ULK4: variants seen among roughly 807,000 people sequenced by gnomAD.
The protein encoded by ULK4 is unc-51 like kinase 4.
ULK4 carries 133 observed loss-of-function variants against 160.6 expected under a neutral mutation model. The ratio of observed to expected loss-of-function variants is 0.83; its 90% CI spans 0.72 to 0.96. The LOEUF is 0.96. ULK4 is among the 40% of genes least tolerant of loss of function. The pLI, the probability that ULK4 is intolerant of heterozygous loss-of-function variation, is 0.00. For synonymous variants in ULK4, 534 were observed against 539.8 expected, an observed-to-expected ratio of 0.99 and a Z score of 0.15; for missense variants, 1,580 against 1,499.5, an observed-to-expected ratio of 1.05 and a Z score of -0.89.
intron 22 of ULK4, among the ~76,000 whole-genome samples, chr3:41,734,798 T>C (rs984210939): frequency 6.6e-6 from 1 of 152,132 alleles, no homozygotes; most frequent in Admixed American, 6.5e-5. Flanking sequence ...AAACAGGAAA[T>C]TGTACCATTC....
chr3:41,527,200 T>A (rs760536420), intron 32 of ULK4, among the ~76,000 whole-genome samples: 13 of 152,222 alleles, frequency 8.5e-5, no homozygotes, highest in Non-Finnish European at 1.6e-4. Flanking sequence ...ACACAGGACA[T>A]GCTCTACAGC....
rs541195893 is a variant in ULK4 at position 41,493,741 on chromosome 3, G to C, written c.3227-30488C>G. 1.7e-4 allele frequency among the ~76,000 whole-genome samples: 25 copies of C among 150,592 alleles called. No individual in the cohort carries two copies. The East Asian group carries it at 4.5e-3, about 27-fold the overall frequency. ...AATAGATGCAATAAAAAATGATAAA[G>C]GGGATATCACCACCGATCCCACAGA... On this transcript the variant is annotated intron_variant, in intron 32 of 36. Coordinates refer to ENST00000301831, the MANE Select transcript of ULK4 (RefSeq NM_017886.4).
At chr3:41,372,835 C>T (rs1008944714) in intron 35 of ULK4, among the ~76,000 whole-genome samples, 1 of 152,146 alleles carries the variant, frequency 6.6e-6, no homozygotes, top group Non-Finnish European at 1.5e-5. Context: ...AATTAAAAGG[C>T]ACAGACTGGC....
intron 25 of ULK4, among the ~76,000 whole-genome samples, chr3:41,714,133 T>C (rs1487566152): frequency 1.5e-4 from 23 of 152,156 alleles, no homozygotes; most frequent in Admixed American, 1.5e-3. Context: ...TGGTGGTAAA[T>C]AAAAATTCTC....
intron 29 of ULK4, among the ~76,000 whole-genome samples, chr3:41,675,670 A>AC (rs1385531152): frequency 6.6e-6 from 1 of 152,198 alleles, no homozygotes; most frequent in African/African-American, 2.4e-5. Context: ...GTGATGGTAT[A>AC]CCCATAAGGG....
At chr3:41,958,343 T>C (rs1258317495) in intron 1 of ULK4, among the ~76,000 whole-genome samples, 3 of 152,172 alleles carry the variant, frequency 2.0e-5, no homozygotes, top group South Asian at 2.1e-4. Context: ...AGGGTTAAGA[T>C]GGTAAATTTT....
chr3:41,678,177 TACACACACACACACACACAC>T (rs752843326), intron 29 of ULK4, among the ~76,000 whole-genome samples: 263 of 123,136 alleles, frequency 2.1e-3, no homozygotes, highest in African/African-American at 5.8e-3. Flanking sequence ...CTTTATTTCA[TACACACACACACACACACAC>T]ACACACACAC....
At chr3:41,652,110 A>G (rs982175877) in intron 30 of ULK4, among the ~76,000 whole-genome samples, 10 of 152,228 alleles carry the variant, frequency 6.6e-5, no homozygotes, top group African/African-American at 2.4e-4. Context: ...TGAGCCTCAT[A>G]AGATATGGAT....
intron 35 of ULK4, among the ~76,000 whole-genome samples, chr3:41,301,586 G>C (rs1057193740): frequency 6.6e-6 from 1 of 152,118 alleles, no homozygotes; most frequent in African/African-American, 2.4e-5. Context: ...GCTTTCTGGC[G>C]TGCTACGTTT....
At chr3:41,559,157 G>A (rs573402991) in intron 32 of ULK4, among the ~76,000 whole-genome samples, 34 of 149,346 alleles carry the variant, frequency 2.3e-4, no homozygotes, top group African/African-American at 6.6e-4. Flanking sequence ...ATAGTTTACT[G>A]AGAATGATGG....
At chr3:41,841,771 G>A (rs551094027) in intron 17 of ULK4, among the ~76,000 whole-genome samples, 4 of 152,198 alleles carry the variant, frequency 2.6e-5, no homozygotes, top group African/African-American at 9.6e-5. Context: ...TGACATAGGA[G>A]ATACCATTTT....
intron 34 of ULK4, among the ~76,000 whole-genome samples, chr3:41,447,158 C>T (rs2083316534): frequency 6.6e-6 from 1 of 150,610 alleles, no homozygotes; most frequent in Non-Finnish European, 1.5e-5. Context: ...TTGCTTTTGG[C>T]ATGACCCACG....
chr3:41,869,668 G>T (rs189922228), intron 17 of ULK4, among the ~76,000 whole-genome samples: 1 of 152,032 alleles, frequency 6.6e-6, no homozygotes, highest in Non-Finnish European at 1.5e-5. Flanking sequence ...AAACACTTCC[G>T]CATGTGTTCC....
chr3:41,794,034 C>T (rs549719059), intron 20 of ULK4, among the ~76,000 whole-genome samples: 8 of 152,318 alleles, frequency 5.3e-5, no homozygotes, highest in Admixed American at 3.9e-4. Context: ...GGGGGACTCT[C>T]GTGCAGTAAG....
At chr3:41,545,324 G>A (rs1031595405) in intron 32 of ULK4, among the ~76,000 whole-genome samples, 8 of 152,130 alleles carry the variant, frequency 5.3e-5, no homozygotes, top group Non-Finnish European at 1.2e-4. Context: ...TTTCCCTGCA[G>A]TGACAAATTT....
chr3:41,853,232 G>A (rs1328967108), intron 17 of ULK4, among the ~76,000 whole-genome samples: 1 of 152,132 alleles, frequency 6.6e-6, no homozygotes, highest in South Asian at 2.1e-4. Context: ...ATTTCTAACA[G>A]GTTGCCAATT....
intron 34 of ULK4, among the ~76,000 whole-genome samples, chr3:41,426,751 G>T (rs960942414): frequency 2.0e-5 from 3 of 151,512 alleles, no homozygotes; most frequent in African/African-American, 7.3e-5. Flanking sequence ...AGAATCTCTG[G>T]GAGGCAGTTA....
At chr3:41,530,278 G>A (rs1333412607) in intron 32 of ULK4, among the ~76,000 whole-genome samples, 1 of 152,080 alleles carries the variant, frequency 6.6e-6, no homozygotes, top group African/African-American at 2.4e-5. Context: ...CAACTCTAAG[G>A]AAGGGGGACA....
chr3:41,405,629 G>T (rs959746238), intron 34 of ULK4, among the ~76,000 whole-genome samples: 2 of 152,096 alleles, frequency 1.3e-5, no homozygotes, highest in Non-Finnish European at 2.9e-5. Context: ...AGTCTCACCA[G>T]CGTCTGTTTT....
Sources: allele counts gnomAD v4.1 joint callset (sites outside exome capture counted in the v4.1 genomes callset), GRCh38; gene constraint gnomAD v4.1.1; transcripts MANE v1.5; gene names NCBI Gene and HGNC (gene_info 2026-07-23, HGNC 2026-07-21).